The following KAZN variants were observed in gnomAD, a reference collection of about 807,000 sequenced individuals.
The protein encoded by KAZN is kazrin.
In KAZN, 40 loss-of-function variants were observed where a neutral mutation model predicts 87.4. That is an observed-to-expected ratio of 0.46 (90% confidence interval 0.36 to 0.60). The LOEUF (loss-of-function observed/expected upper bound fraction) is 0.60. KAZN is among the 20% of genes least tolerant of loss of function. The pLI, the probability that KAZN is intolerant of heterozygous loss-of-function variation, is 0.00. For synonymous variants in KAZN, 466 were observed against 458.3 expected, an observed-to-expected ratio of 1.02 and a Z score of -0.22; for missense variants, 898 against 1,073.9, an observed-to-expected ratio of 0.84 and a Z score of 2.29.
intron 2 of KAZN, among the ~76,000 whole-genome samples, chr1:15,016,130 G>A (rs542834199): frequency 6.6e-6 from 1 of 152,176 alleles, no homozygotes; most frequent in Non-Finnish European, 1.5e-5. Flanking sequence ...AGGGGAGAAG[G>A]TGATGAGAAG....
chr1:14,199,382 T>C (rs1280581338), intron 2 of KAZN, among the ~76,000 whole-genome samples: 2 of 152,206 alleles, frequency 1.3e-5, no homozygotes, highest in African/African-American at 4.8e-5. Context: ...CACAGATGGC[T>C]TCCATCACTC....
At chr1:14,505,214 AGG>A (rs1330323955) in intron 2 of KAZN, among the ~76,000 whole-genome samples, 1 of 152,142 alleles carries the variant, frequency 6.6e-6, no homozygotes, top group Non-Finnish European at 1.5e-5. Flanking sequence ...CCCAGAGAAA[AGG>A]CTCATGGGCC....
In KAZN at chr1:14,179,283, C is replaced by T. The variant is rs115009334; in HGVS notation, c.92-1152C>T. Among the ~76,000 whole-genome samples, 482 of 152,270 alleles carry T rather than the reference C, an allele frequency of 3.2e-3. 3 individuals carry two copies. The highest frequency in any genetic ancestry group is 0.011 in the African/African-American group (441 of 41,554). The stretch of plus-strand genomic sequence containing the variant: ...CCAGCTCCTTAATTCAGTGACATTG[C>T]GGGGCTCTCTCTGGATTTCTCTTTT... On this transcript the variant is annotated intron_variant, in intron 1 of 16. Coordinates refer to the KAZN transcript ENST00000636203.
At chr1:15,092,137 C>T (rs900850732) in intron 8 of KAZN, among the ~76,000 whole-genome samples, 1 of 131,016 alleles carries the variant, frequency 7.6e-6, no homozygotes, top group East Asian at 2.3e-4. Flanking sequence ...AGTGCAATGG[C>T]GCAATCTCGG....
intron 1 of KAZN, among the ~76,000 whole-genome samples, chr1:14,143,203 AC>A (rs1401027776): frequency 1.3e-5 from 2 of 152,012 alleles, no homozygotes; most frequent in African/African-American, 4.8e-5. Context: ...AGGGCATAAC[AC>A]CCCATGATTT....
chr1:14,837,139 G>A (rs1376228848), intron 1 of KAZN, among the ~76,000 whole-genome samples: 2 of 152,074 alleles, frequency 1.3e-5, no homozygotes, highest in Admixed American at 1.3e-4. Flanking sequence ...TCATAGGTAG[G>A]CTCTTGCTTC....
intron 2 of KAZN, among the ~76,000 whole-genome samples, chr1:14,437,060 G>C (rs375811070): frequency 2.9e-4 from 44 of 152,174 alleles, no homozygotes; most frequent in African/African-American, 1.0e-3. Flanking sequence ...GATAAAAACT[G>C]TGTCTCATTC....
chr1:14,845,254 G>A (rs1006739109), intron 1 of KAZN, among the ~76,000 whole-genome samples: 11 of 150,284 alleles, frequency 7.3e-5, no homozygotes, highest in African/African-American at 2.7e-4. Context: ...TGAGTGGGTG[G>A]ATGGTTGGGT....
intron 1 of KAZN, among the ~76,000 whole-genome samples, chr1:14,064,071 C>G (rs1642905282): frequency 6.6e-6 from 1 of 152,142 alleles, no homozygotes; most frequent in African/African-American, 2.4e-5. Context: ...ACCTGCCACT[C>G]TGCCTGGCTA....
intron 2 of KAZN, among the ~76,000 whole-genome samples, chr1:14,249,585 A>AGGG (rs775138691): frequency 2.0e-5 from 3 of 152,220 alleles, no homozygotes; most frequent in African/African-American, 4.8e-5. Flanking sequence ...GCACTCCCCA[A>AGGG]GGGGAAGCCA....
At position 14,799,443 on chromosome 1, in the gene KAZN, C is replaced by T. The variant is rs1023960074; in HGVS notation, c.227-161241C>T. 2.0e-5 allele frequency among the ~76,000 whole-genome samples: 3 copies of T among 152,264 alleles called. No individual in the cohort carries two copies. The South Asian group carries it at 6.2e-4, about 32-fold the overall frequency. ...CTTTCATTAGCTATGATAAATTATTCAAAAAGGAGGAACACTTGAAACCTC... is the reference window on the plus strand; with the variant it reads ...CTTTCATTAGCTATGATAAATTATTTAAAAAGGAGGAACACTTGAAACCTC... On this transcript the variant is annotated intron_variant, in intron 1 of 14. Coordinates refer to ENST00000376030, the MANE Select transcript of KAZN (RefSeq NM_201628.3).
chr1:14,388,211 G>A (rs563997270), intron 2 of KAZN, among the ~76,000 whole-genome samples: 2 of 152,288 alleles, frequency 1.3e-5, no homozygotes, highest in Non-Finnish European at 2.9e-5. Context: ...TGCGCCCACT[G>A]TCTGGCACTC....
chr1:14,426,854 T>A (rs1209919033), intron 2 of KAZN, among the ~76,000 whole-genome samples: 1 of 152,228 alleles, frequency 6.6e-6, no homozygotes, highest in Non-Finnish European at 1.5e-5. Context: ...CTTCAGGGAC[T>A]GCTGCTCTGA....
At chr1:13,930,138 T>G (rs1177605439) in intron 1 of KAZN, among the ~76,000 whole-genome samples, 1 of 152,204 alleles carries the variant, frequency 6.6e-6, no homozygotes, top group African/African-American at 2.4e-5. Flanking sequence ...TGCCCCCTCT[T>G]CCTACCGATT....
chr1:13,964,012 A>G (rs1272677405), intron 1 of KAZN, among the ~76,000 whole-genome samples: 1 of 152,202 alleles, frequency 6.6e-6, no homozygotes, highest in Non-Finnish European at 1.5e-5. Context: ...AGGCTGATTG[A>G]TCACAGAGCT....
intron 1 of KAZN, among the ~76,000 whole-genome samples, chr1:14,731,465 T>G: frequency 6.6e-6 from 1 of 152,304 alleles, no homozygotes; most frequent in East Asian, 1.9e-4. Context: ...CCCTTGGAAC[T>G]TTTTTGGTTC....
chr1:14,276,164 T>G (rs1198884137), intron 2 of KAZN, among the ~76,000 whole-genome samples: 1 of 2,792 alleles, frequency 3.6e-4, no homozygotes, highest in Non-Finnish European at 6.8e-4. Flanking sequence ...TATAAGGGTG[T>G]GTGTGTGTGT....
chr1:14,889,467 A>C (rs1285059572), intron 1 of KAZN, among the ~76,000 whole-genome samples: 1 of 152,224 alleles, frequency 6.6e-6, no homozygotes, highest in Non-Finnish European at 1.5e-5. Flanking sequence ...CTTGTACCCA[A>C]ATCCTTGTCT....
chr1:14,020,713 T>A (rs1440970724), intron 1 of KAZN, among the ~76,000 whole-genome samples: 2 of 152,236 alleles, frequency 1.3e-5, no homozygotes, highest in Non-Finnish European at 2.9e-5. Flanking sequence ...TTTAACTAAT[T>A]GAGTCAGCAG....
Sources: allele counts gnomAD v4.1 joint callset (sites outside exome capture counted in the v4.1 genomes callset), GRCh38; gene constraint gnomAD v4.1.1; transcripts MANE v1.5; gene names NCBI Gene and HGNC (gene_info 2026-07-23, HGNC 2026-07-21).